SRSF5: variants seen among roughly 807,000 people sequenced by gnomAD.
The protein encoded by SRSF5 is serine/arginine-rich splicing factor 5.
Under a neutral mutation model 34.0 loss-of-function variants are expected in SRSF5, and 5 were observed. The ratio of observed to expected loss-of-function variants is 0.15; its 90% CI spans 0.08 to 0.31. SRSF5 has a LOEUF of 0.31. SRSF5 is among the 10% of genes least tolerant of loss of function. The pLI, the probability that SRSF5 is intolerant of heterozygous loss-of-function variation, is 1.00. For synonymous variants in SRSF5, 164 were observed against 117.7 expected, an observed-to-expected ratio of 1.39 and a Z score of -2.55; for missense variants, 223 against 351.4, an observed-to-expected ratio of 0.63 and a Z score of 2.92.
intron 5 of SRSF5, chr14:69,769,640 G>T: frequency 1.3e-6 from 2 of 1,533,348 alleles, no homozygotes; most frequent in Non-Finnish European, 1.7e-6. Context: ...GCCACCTCTA[G>T]ATCTGTGTTT....
At chr14:69,767,685 T>G in intron 1 of SRSF5, 1 of 365,936 alleles carries the variant, frequency 2.7e-6, no homozygotes, top group Non-Finnish European at 5.5e-6. Flanking sequence ...CGCCATTTTG[T>G]GGCCGCAGAG....
intron 3 of SRSF5, 40 bp downstream of exon 3, chr14:69,768,714 G>A (rs1381573852): frequency 1.2e-6 from 2 of 1,611,020 alleles, no homozygotes; most frequent in Admixed American, 1.7e-5. Flanking sequence ...GGGACATAGA[G>A]CAGACTGGGT....
At chr14:69,769,462 GTTTTTTAAAATCAA>G (rs1205109772) in intron 5 of SRSF5, 20 of 1,533,900 alleles carry the variant, frequency 1.3e-5, no homozygotes, top group Non-Finnish European at 1.7e-6. Flanking sequence ...TATTTTTCTT[GTTTTTTAAAATCAA>G]TTTTTAACCA....
intron 6 of SRSF5, 57 bp downstream of exon 6, chr14:69,770,597 C>CT: frequency 6.6e-7 from 1 of 1,513,512 alleles, no homozygotes; most frequent in Non-Finnish European, 9.1e-7. Flanking sequence ...TTACTGTGAA[C>CT]TTAGTTTTGA....
In SRSF5 at chr14:69,771,820, A is replaced by G; in HGVS notation, c.*359A>G. The G allele has an allele frequency of 4.7e-6, 1 of 212,496 alleles. No homozygotes were observed. The highest frequency in any genetic ancestry group is 5.3e-5 in the Admixed American group (1 of 18,884). The allele number at this position is 212,496 out of a possible 1,614,324, so 13.2% of individuals were successfully genotyped here. On this transcript the variant is annotated 3_prime_UTR_variant, in exon 8 of 8. Coordinates refer to ENST00000557154, the MANE Select transcript of SRSF5 (RefSeq NM_001320214.2). ...GTTATAAAAATGTTAATTCAGAATTAGTTTAATGCCTTAATTAAACTAATT... is the reference window on the plus strand; with the variant it reads ...GTTATAAAAATGTTAATTCAGAATTGGTTTAATGCCTTAATTAAACTAATT...
chr14:69,767,413 A>G (rs1197670175), intron 1 of SRSF5, 158 bp downstream of exon 1: 1 of 455,334 alleles, frequency 2.2e-6, no homozygotes, highest in Non-Finnish European at 4.4e-6. Flanking sequence ...CTTTTGGCAT[A>G]CTGTTTGAGG....
intron 5 of SRSF5, chr14:69,770,173 G>GTT: frequency 9.1e-7 from 1 of 1,099,032 alleles, no homozygotes; most frequent in Non-Finnish European, 1.1e-6. Flanking sequence ...CTTTTTTGTT[G>GTT]TTTTTTTGTT....
Position 69,769,258 on chromosome 14 carries a change from T to A in SRSF5, c.366+7T>A, listed in dbSNP as rs765389316. 2 of 1,614,092 alleles carry A rather than the reference T, an allele frequency of 1.2e-6. No homozygotes were observed. The highest frequency in any genetic ancestry group is 2.7e-5 in the African/African-American group (2 of 75,052). ...CTCAAGAGTCAGCTGGCAGGTTTGT[T>A]GAAATACAGTTTTGAGTTATTTTGA... On this transcript the variant is annotated splice_region_variant and intron_variant, in intron 5 of 7. Transcript: ENST00000557154.
intron 5 of SRSF5, chr14:69,769,765 G>A (rs1882992083): frequency 3.7e-6 from 5 of 1,362,332 alleles, no homozygotes; most frequent in Admixed American, 6.9e-5. Context: ...TAACGCTTCC[G>A]AATAAGAGGT....
chr14:69,770,350 C>T, intron 5 of SRSF5, 117 bp from the exon 6 acceptor site: 7 of 1,463,452 alleles, frequency 4.8e-6, no homozygotes, highest in South Asian at 1.4e-5. Flanking sequence ...TGGTAAATGC[C>T]ATGTTTGTAC....
chr14:69,769,635 C>A (rs937883219), intron 5 of SRSF5: 34 of 1,533,460 alleles, frequency 2.2e-5, no homozygotes, highest in Non-Finnish European at 2.8e-5. Context: ...AGTTGGCCAC[C>A]TCTAGATCTG....
At chr14:69,767,372 T>A in intron 1 of SRSF5, 117 bp downstream of exon 1, 1 of 455,752 alleles carries the variant, frequency 2.2e-6, no homozygotes. Context: ...TGAGCGCAGT[T>A]GATTCGAGGT....
intron 4 of SRSF5, 71 bp downstream of exon 4, chr14:69,768,967 G>A: frequency 6.6e-7 from 1 of 1,510,942 alleles, no homozygotes; most frequent in Non-Finnish European, 9.2e-7. Context: ...GGAGTCATTA[G>A]CAGTGATGAT....
At chr14:69,767,754 A>C (rs1882688881) in intron 1 of SRSF5, 7 of 353,212 alleles carry the variant, frequency 2.0e-5, no homozygotes, top group South Asian at 1.5e-4. Context: ...TCTGGCTTCC[A>C]CCCGCTGTGA....
chr14:69,771,457 A>G lies in SRSF5; in HGVS notation c.815A>G (p.Asn272Ser), dbSNP rs765484731. 3.1e-6 allele frequency: 5 copies of G among 1,613,688 alleles called. No individual in the cohort carries two copies. The highest frequency in any genetic ancestry group is 1.7e-5 in the Admixed American group (1 of 59,982). ...AGGTCCAGATCAGTTGACAGTGGCA[A>G]TTAAACTGTAAATAACTTGCCCTGG... is the stretch of plus-strand genomic sequence containing the variant. ...RSRSRSVDSG[N>S] The change falls in exon 8 of 8, where the codon AAT becomes AGT. Residue 272 changes from asparagine to serine, a missense_variant. By Grantham distance (46) the Asn-to-Ser change is conservative (BLOSUM62 1). This residue lies in a region of SRSF5 where 115 missense variants were observed against 119.7 expected (regional missense o/e 0.96). Transcript: ENST00000557154.
In SRSF5 at chr14:69,767,200, C is replaced by A. The variant is rs1365866344; in HGVS notation, c.-75C>A. 1.1e-5 allele frequency: 4 copies of A among 357,076 alleles called. No homozygotes were observed. Among genetic ancestry groups the A allele is most frequent in the Admixed American group, 3.8e-5 (1 of 26,462 alleles). 22.1% of individuals were successfully genotyped at this position (357,076 alleles called of 1,614,324 possible). ...CTGGTCTGCGTGGAGGTCGACGACTCCGTCGCAGACTACGGACCTGTCTGG... is the reference window on the plus strand; with the variant it reads ...CTGGTCTGCGTGGAGGTCGACGACTACGTCGCAGACTACGGACCTGTCTGG... On this transcript the variant is annotated 5_prime_UTR_variant, in exon 1 of 8. Transcript: ENST00000557154.
rs1332582034 is a variant in SRSF5 at position 69,771,255 on chromosome 14, C to T, written c.613C>T (p.Arg205Cys). 46 of 1,613,974 alleles carry T rather than the reference C, an allele frequency of 2.9e-5. 1 individual carries two copies. The highest frequency in any genetic ancestry group is 3.3e-5 in the Admixed American group (2 of 59,996). ...RSSSRSRSRS[R>C]SRSRKSYSRS... The stretch of plus-strand genomic sequence containing the variant: ...TTCCTCTAGGTCTCGTAGCCGATCC[C>T]GTTCCCGTAGTCGCAAATCTTACAG... Residue 205 changes from arginine (R) to cysteine (C), a missense_variant, in exon 8 of 8, where the codon CGT (arginine) becomes TGT (cysteine). Arg to Cys is a radical substitution (Grantham distance 180). Around this residue, in one of 4 missense-constraint regions of SRSF5, gnomAD observed 115 missense variants for 119.7 expected, o/e 0.96. Coordinates refer to ENST00000557154, the MANE Select transcript of SRSF5 (RefSeq NM_001320214.2).
intron 6 of SRSF5, chr14:69,770,747 A>G: frequency 1.6e-6 from 1 of 641,566 alleles, no homozygotes; most frequent in Non-Finnish European, 2.7e-6. Flanking sequence ...TGCTGTTGGC[A>G]TGTAGTCAGT....
At chr14:69,767,828 C>G (rs1882706316) in intron 1 of SRSF5, 1 of 366,912 alleles carries the variant, frequency 2.7e-6, no homozygotes, top group African/African-American at 2.1e-5. Flanking sequence ...GCCCGCACTT[C>G]TCGGCCTTTC....
Sources: allele counts gnomAD v4.1 joint callset, GRCh38; gene constraint gnomAD v4.1.1; regional missense constraint gnomAD v4.1.1; transcripts MANE v1.5; gene names NCBI Gene and HGNC (gene_info 2026-07-23, HGNC 2026-07-21).